The following INTS4 variants were observed in gnomAD, a reference collection of about 807,000 sequenced individuals.
The protein encoded by INTS4 is MSTP093.
A neutral mutation model predicts 119.5 loss-of-function variants in INTS4; 70 were observed. The ratio of observed to expected loss-of-function variants is 0.59; its 90% CI spans 0.48 to 0.71. The LOEUF is 0.71. INTS4 is among the 30% of genes least tolerant of loss of function. The pLI, the probability that INTS4 is intolerant of heterozygous loss-of-function variation, is 0.00. For synonymous variants in INTS4, 316 were observed against 419.6 expected, an observed-to-expected ratio of 0.75 and a Z score of 3.02; for missense variants, 867 against 1,173.2, an observed-to-expected ratio of 0.74 and a Z score of 3.81.
chr11:77,879,013 T>C lies in INTS4; in HGVS notation c.2828A>G (p.Glu943Gly). ...AGGCTTGCTGAAGGGAATGGTGCCC[T>C]CGATGCTGGTTTCCACCTGTGGTGA... ...EMSPQVETSI[E>G]GTIPFSKPVK... Residue 943 changes from glutamate (E) to glycine (G), a missense_variant, in exon 23 of 23, where the codon GAG becomes GGG. Physicochemically the swap from Glu to Gly is moderately conservative, Grantham distance 98 (BLOSUM62 -2). This residue lies in a region of INTS4 where 122 missense variants were observed against 133.2 expected (regional missense o/e 0.92). Transcript: ENST00000534064. 6.2e-7 allele frequency: 1 copy of C among 1,614,160 alleles called. No individual in the cohort carries two copies. Among genetic ancestry groups the C allele is most frequent in the Non-Finnish European group, 8.5e-7 (1 of 1,180,028 alleles).
intron 18 of INTS4, among the ~76,000 whole-genome samples, chr11:77,900,284 A>T (rs1023585874): frequency 6.6e-6 from 1 of 152,034 alleles, no homozygotes; most frequent in African/African-American, 2.4e-5. Context: ...TATTTTTAGT[A>T]GAGACAGGGT....
In INTS4 at chr11:77,958,853, A is replaced by G; in HGVS notation, c.709-19T>C. On this transcript the variant is annotated intron_variant, in intron 6 of 22. Transcript: ENST00000534064. ...TACAGGCCTGCAAAGAAGAATTCCA[A>G]AAGTCTATTAGTTCTGTGTCCTCTC... 2 of 1,445,958 alleles carry G rather than the reference A, an allele frequency of 1.4e-6. No individual in the cohort carries two copies. The highest frequency in any genetic ancestry group is 3.4e-5 in the Admixed American group (2 of 58,856). 89.6% of individuals were successfully genotyped at this position (1,445,958 alleles called of 1,614,324 possible). A position where few individuals can be genotyped will look rare whatever the true frequency, so the allele number is the denominator to read the frequency against.
At chr11:77,880,166 T>G (rs1023950517) in intron 22 of INTS4, among the ~76,000 whole-genome samples, 1 of 152,122 alleles carries the variant, frequency 6.6e-6, no homozygotes, top group African/African-American at 2.4e-5. Context: ...AAAGTGTAAG[T>G]TGAAGATGAT....
intron 11 of INTS4, among the ~76,000 whole-genome samples, chr11:77,927,826 C>T (rs1477192840): frequency 6.6e-6 from 1 of 152,206 alleles, no homozygotes; most frequent in East Asian, 1.9e-4. Flanking sequence ...ATCTCTTCAA[C>T]TCTACACTAT....
intron 18 of INTS4, among the ~76,000 whole-genome samples, chr11:77,899,400 G>A (rs540620788): frequency 4.6e-5 from 7 of 152,184 alleles, no homozygotes; most frequent in African/African-American, 1.4e-4. Context: ...GGCTGGGCTC[G>A]GTGGCTCACG....
chr11:77,978,986 A>C lies in INTS4; in HGVS notation c.471+10T>G. 3 of 1,556,634 alleles carry C rather than the reference A, an allele frequency of 1.9e-6. No individual in the cohort carries two copies. The highest frequency in any genetic ancestry group is 2.7e-6 in the Non-Finnish European group (3 of 1,128,288). ...TTTAGGATGGATCTGAATAGATTTT[A>C]TACTCTTACCTTGCAGGCCACATCA... On this transcript the variant is annotated intron_variant, in intron 4 of 22. Coordinates refer to ENST00000534064, the MANE Select transcript of INTS4 (RefSeq NM_033547.4).
At chr11:77,979,254 T>C in intron 3 of INTS4, 152 bp from the exon 4 acceptor site, 1 of 509,286 alleles carries the variant, frequency 2.0e-6, no homozygotes, top group South Asian at 2.0e-5. Context: ...GAGAATCCCT[T>C]GAGCCCAGGA....
intron 4 of INTS4, among the ~76,000 whole-genome samples, chr11:77,977,112 T>C (rs1176395768): frequency 6.6e-6 from 1 of 152,026 alleles, no homozygotes; most frequent in Admixed American, 6.6e-5. Context: ...AAAATAAAAA[T>C]AAAAATAAAT....
chr11:77,930,874 G>A (rs1304776008), intron 10 of INTS4, among the ~76,000 whole-genome samples: 3 of 152,116 alleles, frequency 2.0e-5, no homozygotes, highest in Non-Finnish European at 4.4e-5. Context: ...TATGGGTACA[G>A]AGCAGAGAAA....
At chr11:77,876,329 C>A (rs893984295), downstream of INTS4, among the ~76,000 whole-genome samples, 1 of 151,896 alleles carries the variant, frequency 6.6e-6, no homozygotes, top group African/African-American at 2.4e-5. Flanking sequence ...TCTGGGCCTG[C>A]GTATTCATTT....
At chr11:77,973,289 T>G (rs1423014034) in intron 4 of INTS4, among the ~76,000 whole-genome samples, 1 of 152,260 alleles carries the variant, frequency 6.6e-6, no homozygotes, top group Non-Finnish European at 1.5e-5. Flanking sequence ...ATTTATTACT[T>G]CAAACAGTTT....
At chr11:77,939,337 G>A (rs912372217) in intron 9 of INTS4, among the ~76,000 whole-genome samples, 4 of 152,264 alleles carry the variant, frequency 2.6e-5, no homozygotes, top group South Asian at 2.1e-4. Flanking sequence ...TTAGCTGGGC[G>A]TGGTGGCACA....
chr11:77,981,876 C>T (rs1347505527), intron 2 of INTS4, among the ~76,000 whole-genome samples: 1 of 151,998 alleles, frequency 6.6e-6, no homozygotes, highest in Non-Finnish European at 1.5e-5. Context: ...TCAGTTGATA[C>T]ATTACATCCA....
chr11:77,994,007 T>A (rs1450193886), intron 1 of INTS4, among the ~76,000 whole-genome samples: 1 of 152,106 alleles, frequency 6.6e-6, no homozygotes, highest in African/African-American at 2.4e-5. Context: ...AACTTCATGG[T>A]GAGGAAGGTA....
At chr11:77,974,238 CTT>C (rs60093605) in intron 4 of INTS4, among the ~76,000 whole-genome samples, 59 of 84,298 alleles carry the variant, frequency 7.0e-4, no homozygotes, top group Middle Eastern at 6.6e-3. Flanking sequence ...TTTTTCTTTT[CTT>C]TTTTTTTTTT....
intron 14 of INTS4, among the ~76,000 whole-genome samples, chr11:77,920,194 T>TACACATATATACAC (rs879326268): frequency 0.17 from 23,646 of 138,250 alleles, 2,230 homozygotes; most frequent in Middle Eastern, 0.25. Context: ...CACATATATA[T>TACACATATATACAC]ACATATATAT....
At chr11:77,890,012 A>C (rs1438752868) in intron 21 of INTS4, among the ~76,000 whole-genome samples, 2 of 152,204 alleles carry the variant, frequency 1.3e-5, no homozygotes, top group Non-Finnish European at 2.9e-5. Context: ...ATGAACTCTT[A>C]AACACTAGTG....
At chr11:77,983,471 A>C (rs967290067) in intron 2 of INTS4, among the ~76,000 whole-genome samples, 1 of 152,184 alleles carries the variant, frequency 6.6e-6, no homozygotes, top group Non-Finnish European at 1.5e-5. Flanking sequence ...ATATATTAAC[A>C]ATTCCAAAAC....
At chr11:77,951,210 G>A (rs1336237046) in intron 8 of INTS4, among the ~76,000 whole-genome samples, 33 of 152,026 alleles carry the variant, frequency 2.2e-4, no homozygotes, top group African/African-American at 5.8e-4. Context: ...TTATAGCAGC[G>A]TGATTTATAA....
Sources: gnomAD v4.1 joint callset for allele counts (sites outside exome capture counted in the v4.1 genomes callset) on GRCh38, gnomAD v4.1.1 for gene constraint, gnomAD v4.1.1 regional missense constraint, MANE v1.5 for transcripts, NCBI Gene and HGNC (gene_info 2026-07-23, HGNC 2026-07-21) for gene names.